Variants in HEATR3 observed in about 807,000 individuals in gnomAD.
The protein encoded by HEATR3 is HEAT repeat containing 3, also known as HEAT repeat-containing protein 3.
Under a neutral mutation model 72.8 loss-of-function variants are expected in HEATR3, and 56 were observed. The ratio of observed to expected loss-of-function variants is 0.77; its 90% CI spans 0.62 to 0.96. The LOEUF (loss-of-function observed/expected upper bound fraction) is 0.96, where lower values mean the gene tolerates loss of function less well. Among genes scored for constraint, HEATR3 ranks in the 40% least tolerant of loss-of-function variants. The probability of loss-of-function intolerance (pLI) is 0.00; values close to 1 mark genes in which losing one functional copy is unlikely to be tolerated. For missense variants in HEATR3, 747 were observed against 831.4 expected (o/e 0.90, Z 1.25); for synonymous variants, 331 against 318.1 (o/e 1.04, Z -0.43).
At position 50,105,888 on chromosome 16, in the gene HEATR3, T is replaced by C. The variant is rs1558813; in HGVS notation, c.*827T>C. ...GCCTGGCCAGAAACTCTTTTTTAAG[T>C]GATGAGATCTGTGTGGCATTTCTAG... is the stretch of plus-strand genomic sequence containing the variant. On this transcript the variant is annotated 3_prime_UTR_variant, in exon 15 of 15. Transcript: ENST00000299192. The C allele has an allele frequency of 0.79, 120,296 of 152,072 alleles. 47,730 individuals carry two copies. Among genetic ancestry groups the C allele is most frequent in the Middle Eastern group, 0.84 (249 of 296 alleles). The allele number at this position is 152,072 out of a possible 1,614,324, so 9.4% of individuals were successfully genotyped here. A position where few individuals can be genotyped will look rare whatever the true frequency, so the allele number is the denominator to read the frequency against.
intron 7 of HEATR3, chr16:50,080,144 G>A (rs2036834807): frequency 6.6e-6 from 1 of 152,224 alleles, no homozygotes; most frequent in Non-Finnish European, 1.5e-5. Flanking sequence ...GTTGGAAGGA[G>A]GCAATCATGT....
chr16:50,070,122 C>G, intron 3 of HEATR3, 56 bp from the exon 4 acceptor site: 2 of 816,550 alleles, frequency 2.4e-6, no homozygotes, highest in East Asian at 2.7e-5. Flanking sequence ...CATCATTACC[C>G]TATTTGTTTA....
intron 7 of HEATR3, among the ~76,000 whole-genome samples, chr16:50,080,440 G>A (rs1183490027): frequency 1.3e-5 from 2 of 150,480 alleles, no homozygotes; most frequent in East Asian, 2.0e-4. Flanking sequence ...TCCCAGGTTC[G>A]AGCAATTCTC....
At position 50,100,256 on chromosome 16, in the gene HEATR3, A is replaced by C; in HGVS notation, c.1626A>C (p.Thr542=). The C allele has an allele frequency of 6.2e-7, 1 of 1,614,040 alleles. No individual in the cohort carries two copies. Among genetic ancestry groups the C allele is most frequent in the Non-Finnish European group, 8.5e-7 (1 of 1,179,976 alleles). ...GCATGACTCCTGATCAGCTGATGAC[A>C]TTATGCAAAGCAGGCATTCATAGTA... ...SQCMTPDQLM[T]LCKAGIHSSN... The change falls in exon 13 of 15, where the codon ACA becomes ACC. Residue 542 remains threonine (T), a synonymous_variant. Transcript: ENST00000299192.
intron 12 of HEATR3, among the ~76,000 whole-genome samples, chr16:50,097,139 T>C (rs1386177984): frequency 6.6e-6 from 1 of 152,092 alleles, no homozygotes; most frequent in East Asian, 1.9e-4. Flanking sequence ...GAATAATTTA[T>C]AGTGCTTTAT....
intron 6 of HEATR3, among the ~76,000 whole-genome samples, chr16:50,077,877 A>ATTTTTTT (rs56374170): frequency 0.24 from 25,166 of 104,262 alleles, 4,447 homozygotes; most frequent in Middle Eastern, 0.33. Flanking sequence ...AATGGATGTA[A>ATTTTTTT]TTTTTTTTTT....
At chr16:50,099,484 G>A (rs1214328808) in intron 12 of HEATR3, among the ~76,000 whole-genome samples, 1 of 152,068 alleles carries the variant, frequency 6.6e-6, no homozygotes, top group Non-Finnish European at 1.5e-5. Flanking sequence ...GCTCACACGA[G>A]TGATAAGTAG....
chr16:50,106,729 A>G lies in HEATR3; in HGVS notation c.*1668A>G, dbSNP rs1335470919. The G allele has an allele frequency of 1.3e-5, 2 of 152,136 alleles. No homozygotes were observed. Among genetic ancestry groups the G allele is most frequent in the East Asian group, 3.9e-4 (2 of 5,184 alleles). The allele number at this position is 152,136 out of a possible 1,614,324, so 9.4% of individuals were successfully genotyped here. A position where few individuals can be genotyped will look rare whatever the true frequency, so the allele number is the denominator to read the frequency against. ...TGACAAAAGGCCCAATCCCCAGTACAGGACTTAATTTTAATTCACTGCTTC... is the reference window on the plus strand; with the variant it reads ...TGACAAAAGGCCCAATCCCCAGTACGGGACTTAATTTTAATTCACTGCTTC... On this transcript the variant is annotated 3_prime_UTR_variant, in exon 15 of 15. Coordinates refer to ENST00000299192, the MANE Select transcript of HEATR3 (RefSeq NM_182922.4).
intron 12 of HEATR3, among the ~76,000 whole-genome samples, 169 bp downstream of exon 12, chr16:50,094,962 G>C (rs1163102494): frequency 6.6e-6 from 1 of 151,902 alleles, no homozygotes; most frequent in African/African-American, 2.4e-5. Flanking sequence ...ATATCTTTCT[G>C]CTCCCTACCA....
chr16:50,086,369 C>A lies in HEATR3; in HGVS notation c.1510+18C>A. The A allele has an allele frequency of 6.3e-7, 1 of 1,599,752 alleles. No homozygotes were observed. The highest frequency in any genetic ancestry group is 1.1e-5 in the South Asian group (1 of 88,760). On this transcript the variant is annotated intron_variant, in intron 11 of 14. Transcript: ENST00000299192. ...TCAACCAGGTATTTAGACTTTATTG[C>A]GAAAGACTACGCAGACGGAACAGAA...
chr16:50,073,802 G>A (rs575019186), intron 5 of HEATR3: 4 of 152,180 alleles, frequency 2.6e-5, no homozygotes, highest in Admixed American at 2.0e-4. Context: ...GAGCGTTTTT[G>A]AAATGGATTA....
intron 11 of HEATR3, among the ~76,000 whole-genome samples, chr16:50,090,188 C>G (rs1283937245): frequency 6.6e-6 from 1 of 151,844 alleles, no homozygotes; most frequent in Non-Finnish European, 1.5e-5. Context: ...TACCCTGTCT[C>G]CTCCAAAAAG....
At chr16:50,071,976 C>A (rs566716237) in intron 4 of HEATR3, among the ~76,000 whole-genome samples, 1 of 152,118 alleles carries the variant, frequency 6.6e-6, no homozygotes, top group African/African-American at 2.4e-5. Context: ...CTATTGTAGA[C>A]TGCAAATTCT....
chr16:50,100,173 GCTGATAGAATTAATT>G lies in HEATR3; in HGVS notation c.1600-56_1600-42del, dbSNP rs2037334892. Reference sequence around the variant, plus strand: ...ATTCCTGTCAGTCCGGTTTTCACATGCTGATAGAATTAATTGAGTTTAACATTATAAATACTGTCC... The same window carrying G: ...ATTCCTGTCAGTCCGGTTTTCACATGGAGTTTAACATTATAAATACTGTCC... On this transcript the variant is annotated intron_variant, in intron 12 of 14. Coordinates refer to ENST00000299192, the MANE Select transcript of HEATR3 (RefSeq NM_182922.4). The G allele has an allele frequency of 2.6e-6, 4 of 1,540,838 alleles. No homozygotes were observed. The Admixed American group carries it at 7.4e-5, about 29-fold the overall frequency.
intron 13 of HEATR3, chr16:50,100,712 C>T (rs1009872793): frequency 7.2e-6 from 2 of 277,366 alleles, no homozygotes; most frequent in Non-Finnish European, 1.4e-5. Context: ...ATGTTACATT[C>T]TCCTGCTGAT....
intron 11 of HEATR3, among the ~76,000 whole-genome samples, chr16:50,088,231 G>A (rs367737764): frequency 1.2e-4 from 18 of 152,270 alleles, no homozygotes; most frequent in Middle Eastern, 3.4e-3. Flanking sequence ...TTTACATTCC[G>A]TCAAGTTCCT....
At chr16:50,094,228 G>C (rs1411189983) in intron 11 of HEATR3, among the ~76,000 whole-genome samples, 3 of 152,196 alleles carry the variant, frequency 2.0e-5, no homozygotes, top group Non-Finnish European at 4.4e-5. Flanking sequence ...GGGATGCTGG[G>C]TCAGTTAAAG....
intron 11 of HEATR3, among the ~76,000 whole-genome samples, chr16:50,092,479 C>T (rs1189682173): frequency 5.0e-5 from 7 of 138,700 alleles, no homozygotes; most frequent in Non-Finnish European, 1.1e-4. Context: ...CTCTGTCGCC[C>T]AGGCTGGAGT....
intron 10 of HEATR3, 57 bp from the exon 11 acceptor site, chr16:50,086,158 G>A: frequency 6.7e-7 from 1 of 1,500,014 alleles, no homozygotes; most frequent in East Asian, 2.4e-5. Flanking sequence ...AGTTAATACT[G>A]AATTCTGATG....
Sources: gnomAD v4.1 joint callset for allele counts (sites outside exome capture counted in the v4.1 genomes callset) on GRCh38, gnomAD v4.1.1 for gene constraint, MANE v1.5 for transcripts, NCBI Gene and HGNC (gene_info 2026-07-23, HGNC 2026-07-21) for gene names.